Variants in TENM3 observed in about 807,000 individuals in gnomAD.
TENM3 encodes the protein teneurin-3.
In TENM3, 63 loss-of-function variants were observed where a neutral mutation model predicts 255.1. That is an observed-to-expected ratio of 0.25 (90% confidence interval 0.20 to 0.30). TENM3 has a LOEUF of 0.30. TENM3 is among the 10% of genes least tolerant of loss of function. The probability of loss-of-function intolerance (pLI) is 1.00; values close to 1 mark genes in which losing one functional copy is unlikely to be tolerated. For synonymous variants in TENM3, 1,306 were observed against 1,322.3 expected, an observed-to-expected ratio of 0.99 and a Z score of 0.27; for missense variants, 2,929 against 3,461.1, an observed-to-expected ratio of 0.85 and a Z score of 3.86.
chr4:182,787,021 T>C (rs1765719024), intron 24 of TENM3, among the ~76,000 whole-genome samples: 1 of 150,906 alleles, frequency 6.6e-6, no homozygotes, highest in South Asian at 2.1e-4. Context: ...ATCACTTTGA[T>C]ACAAATATTT....
At chr4:182,372,194 T>A (rs971865572) in intron 3 of TENM3, among the ~76,000 whole-genome samples, 1 of 152,154 alleles carries the variant, frequency 6.6e-6, no homozygotes, top group Admixed American at 6.5e-5. Context: ...CAGGCACAAA[T>A]CATTAGGAAT....
At chr4:182,627,172 T>G (rs1476371475) in intron 4 of TENM3, among the ~76,000 whole-genome samples, 1 of 152,166 alleles carries the variant, frequency 6.6e-6, no homozygotes, top group Non-Finnish European at 1.5e-5. Flanking sequence ...AATAAATGAG[T>G]GTGATCCTTT....
the TENM3 span, among the ~76,000 whole-genome samples, chr4:181,748,007 A>G: frequency 6.6e-6 from 1 of 152,126 alleles, no homozygotes. Context: ...GCATCTAGCT[A>G]TGCTAATTAT....
chr4:182,718,587 A>C (rs989128068), intron 13 of TENM3, among the ~76,000 whole-genome samples: 2 of 152,230 alleles, frequency 1.3e-5, no homozygotes, highest in African/African-American at 2.4e-5. Context: ...TAGTACAGTC[A>C]GATCATGTAC....
intron 3 of TENM3, among the ~76,000 whole-genome samples, chr4:182,468,824 T>TTTGTG (rs1180458928): frequency 7.0e-6 from 1 of 143,778 alleles, no homozygotes; most frequent in Non-Finnish European, 1.5e-5. Flanking sequence ...TCCTGTGTGC[T>TTTGTG]TGTGTGTGTG....
At chr4:181,917,500 G>A in the TENM3 span, among the ~76,000 whole-genome samples, 1 of 152,110 alleles carries the variant, frequency 6.6e-6, no homozygotes, top group East Asian at 1.9e-4. Flanking sequence ...CAAGGGCAGA[G>A]AAGAAGCAAG....
At chr4:181,768,764 G>A in the TENM3 span, among the ~76,000 whole-genome samples, 1 of 152,044 alleles carries the variant, frequency 6.6e-6, no homozygotes, top group Non-Finnish European at 1.5e-5. Context: ...TGATGTGATA[G>A]CAGGAGACAT....
chr4:181,715,142 A>G, the TENM3 span, among the ~76,000 whole-genome samples: 1 of 152,192 alleles, frequency 6.6e-6, no homozygotes, highest in Non-Finnish European at 1.5e-5. Flanking sequence ...GAGAACCACT[A>G]CTGTATACAT....
chr4:182,418,041 T>C (rs1393012212), intron 3 of TENM3, among the ~76,000 whole-genome samples: 2 of 152,204 alleles, frequency 1.3e-5, no homozygotes, highest in African/African-American at 4.8e-5. Flanking sequence ...AACTGAATCA[T>C]GGTATCATTA....
chr4:182,743,461 G>A (rs368024167), intron 19 of TENM3, 42 bp downstream of exon 19: 15 of 1,595,640 alleles, frequency 9.4e-6, no homozygotes, highest in South Asian at 5.5e-5. Context: ...AAAGCTAAAC[G>A]TGCCTCTTTA....
the TENM3 span, among the ~76,000 whole-genome samples, chr4:181,512,751 T>C: frequency 6.6e-6 from 1 of 152,252 alleles, no homozygotes; most frequent in Admixed American, 6.5e-5. Flanking sequence ...AAATAATAAA[T>C]AGTGAAGTAC....
the TENM3 span, among the ~76,000 whole-genome samples, chr4:181,593,902 A>G: frequency 6.6e-6 from 1 of 152,154 alleles, no homozygotes; most frequent in South Asian, 2.1e-4. Flanking sequence ...TAAATGCTGA[A>G]TAAGCGTTAA....
At chr4:182,652,453 C>T (rs376515157) in intron 5 of TENM3, among the ~76,000 whole-genome samples, 28 of 152,316 alleles carry the variant, frequency 1.8e-4, no homozygotes, top group African/African-American at 6.7e-4. Flanking sequence ...AGCTCTCCTT[C>T]ATATGCCCTG....
intron 22 of TENM3, among the ~76,000 whole-genome samples, chr4:182,761,076 TCTC>T (rs1006000425): frequency 2.4e-4 from 37 of 152,300 alleles, no homozygotes; most frequent in Middle Eastern, 3.4e-3. Flanking sequence ...CATGCTGTGT[TCTC>T]CTTACAAAAG....
At chr4:182,578,121 C>T (rs530213985) in intron 3 of TENM3, among the ~76,000 whole-genome samples, 31 of 152,044 alleles carry the variant, frequency 2.0e-4, no homozygotes, top group Admixed American at 3.3e-4. Flanking sequence ...GGATTGCAGG[C>T]ACCCACCACC....
the TENM3 span, among the ~76,000 whole-genome samples, chr4:181,540,556 A>G: frequency 6.6e-6 from 1 of 152,292 alleles, no homozygotes; most frequent in Admixed American, 6.5e-5. Context: ...GCTGACACCA[A>G]CAACATGTCA....
At chr4:181,610,934 T>A in the TENM3 span, among the ~76,000 whole-genome samples, 2 of 152,156 alleles carry the variant, frequency 1.3e-5, no homozygotes, top group African/African-American at 4.8e-5. Context: ...TAAATCAAAG[T>A]GGGAAATATT....
chr4:182,014,171 C>CAT, the TENM3 span, among the ~76,000 whole-genome samples: 1 of 145,366 alleles, frequency 6.9e-6, no homozygotes, highest in African/African-American at 2.5e-5. Flanking sequence ...CATATATATA[C>CAT]ATATATATAT....
chr4:182,190,414 A>T (rs1370325638), intron 1 of TENM3: 2 of 152,220 alleles, frequency 1.3e-5, no homozygotes, highest in Non-Finnish European at 2.9e-5. Context: ...CCTTGCGCTA[A>T]CAGCCGGATA....
Sources: allele counts gnomAD v4.1 joint callset (sites outside exome capture counted in the v4.1 genomes callset), GRCh38; gene constraint gnomAD v4.1.1; transcripts MANE v1.5; gene names NCBI Gene and HGNC (gene_info 2026-07-23, HGNC 2026-07-21).